Variants in TAX1BP1 observed in about 807,000 individuals in gnomAD.
The protein encoded by TAX1BP1 is tax1-binding protein 1.
A neutral mutation model predicts 97.7 loss-of-function variants in TAX1BP1; 62 were observed. The observed-to-expected ratio is 0.63, with a 90% CI of 0.52 to 0.78. The LOEUF is 0.78. Ranked by LOEUF, TAX1BP1 falls within the 30% of genes least tolerant of loss-of-function variation. The pLI is 0.00. For synonymous variants in TAX1BP1, 340 were observed against 304.2 expected, an observed-to-expected ratio of 1.12 and a Z score of -1.23; for missense variants, 867 against 916.1, an observed-to-expected ratio of 0.95 and a Z score of 0.69.
At chr7:27,795,491 G>A (rs1159814828) in intron 11 of TAX1BP1, among the ~76,000 whole-genome samples, 2 of 152,092 alleles carry the variant, frequency 1.3e-5, no homozygotes, top group Non-Finnish European at 2.9e-5. Flanking sequence ...TACTTACCCT[G>A]TCTATTCAGT....
chr7:27,744,151 G>A, intron 1 of TAX1BP1, among the ~76,000 whole-genome samples: 1 of 151,740 alleles, frequency 6.6e-6, no homozygotes, highest in Non-Finnish European at 1.5e-5. Context: ...TTTTGAGACG[G>A]AGTCTCGCTG....
chr7:27,740,932 A>G (rs572651737), intron 1 of TAX1BP1, among the ~76,000 whole-genome samples: 2 of 151,962 alleles, frequency 1.3e-5, no homozygotes, highest in Non-Finnish European at 2.9e-5. Context: ...ACCGACTTGC[A>G]CTCCTGGCTT....
At chr7:27,747,450 T>C (rs1018639805) in intron 1 of TAX1BP1, among the ~76,000 whole-genome samples, 1 of 152,202 alleles carries the variant, frequency 6.6e-6, no homozygotes, top group African/African-American at 2.4e-5. Flanking sequence ...CACTACACTT[T>C]TATTTTTATT....
chr7:27,811,357 C>G (rs1324483117), intron 13 of TAX1BP1, among the ~76,000 whole-genome samples: 1 of 152,142 alleles, frequency 6.6e-6, no homozygotes, highest in South Asian at 2.1e-4. Context: ...TCTTATCAAA[C>G]CTAAGTTGAC....
At chr7:27,812,356 G>C (rs569943630) in intron 13 of TAX1BP1, among the ~76,000 whole-genome samples, 2 of 152,014 alleles carry the variant, frequency 1.3e-5, no homozygotes, top group South Asian at 4.1e-4. Context: ...GTCATCTTTG[G>C]TTGCGACAGT....
intron 2 of TAX1BP1, among the ~76,000 whole-genome samples, chr7:27,754,579 C>T (rs911412497): frequency 5.3e-5 from 8 of 151,276 alleles, no homozygotes; most frequent in Non-Finnish European, 1.0e-4. Context: ...TTTTTGTTTT[C>T]GTTTTTGTTT....
intron 3 of TAX1BP1, among the ~76,000 whole-genome samples, chr7:27,762,134 G>C (rs1471596605): frequency 6.6e-6 from 1 of 152,154 alleles, no homozygotes; most frequent in Admixed American, 6.5e-5. Flanking sequence ...ATTTCCTTCT[G>C]TTCTGTGCCA....
rs768038533 is a variant in TAX1BP1 at position 27,793,081 on chromosome 7, C to G, written c.1279C>G (p.Leu427Val). The change falls in exon 10 of 17, where the codon CTG (leucine) becomes GTG (valine). Residue 427 changes from leucine (L) to valine (V), a missense_variant. Physicochemically the swap from Leu to Val is conservative, Grantham distance 32. Around this residue, in one of 3 missense-constraint regions of TAX1BP1, gnomAD observed 822 missense variants for 851.4 expected, o/e 0.97. Coordinates refer to ENST00000396319, the MANE Select transcript of TAX1BP1 (RefSeq NM_006024.7). ...TTCTTTCTAGGACAAGACTGATACA[C>G]TGGAACACGAACTAAGAAGAGAAGT... ...MKKDQDKTDT[L>V]EHELRREVED... 1 of 1,600,426 alleles carries G rather than the reference C, an allele frequency of 6.2e-7. No homozygotes were observed. The highest frequency in any genetic ancestry group is 8.5e-7 in the Non-Finnish European group (1 of 1,176,910).
chr7:27,814,074 G>T (rs1490688243), intron 13 of TAX1BP1, among the ~76,000 whole-genome samples: 1 of 151,342 alleles, frequency 6.6e-6, no homozygotes, highest in East Asian at 1.9e-4. Context: ...GGGATTACAG[G>T]TGTGAGCCAC....
chr7:27,748,621 G>C lies in TAX1BP1; in HGVS notation c.97G>C (p.Glu33Gln). Residue 33 changes from glutamate (E) to glutamine (Q), a missense_variant, in exon 2 of 17, where the codon GAA (glutamate) becomes CAA (glutamine). Coordinates refer to ENST00000396319, the MANE Select transcript of TAX1BP1 (RefSeq NM_006024.7). ...GAGTTACCTTCCTAATGCACACCTG[G>C]AATGTCATTACACCTTAACTCCATA... Reference protein sequence around the residue: ...AKSYLPNAHLECHYTLTPYIH... With the variant: ...AKSYLPNAHLQCHYTLTPYIH... 1 of 1,602,728 alleles carries C rather than the reference G, an allele frequency of 6.2e-7. No individual in the cohort carries two copies. The highest frequency in any genetic ancestry group is 8.5e-7 in the Non-Finnish European group (1 of 1,173,642).
intron 5 of TAX1BP1, among the ~76,000 whole-genome samples, chr7:27,781,655 T>G (rs1028083179): frequency 3.9e-5 from 6 of 152,288 alleles, no homozygotes; most frequent in African/African-American, 1.4e-4. Context: ...AGGGCATTGC[T>G]GTACACTACT....
rs774430386 is a variant in TAX1BP1, at chr7:27,816,933, A to G, written c.1980A>G (p.Pro660=). The G allele has an allele frequency of 1.4e-5, 22 of 1,614,002 alleles. No homozygotes were observed. Among genetic ancestry groups the G allele is most frequent in the Non-Finnish European group, 1.9e-5 (22 of 1,179,988 alleles). ...TTTACCCAGATGAAATACAAAGGCC[A>G]CCTGTCAGAGTCCCCTCTTGGGGAC... The part of the protein sequence containing the change: ...GAFYPDEIQR[P]PVRVPSWGLE... Residue 660 remains proline (P), a synonymous_variant, in exon 15 of 17, where the codon CCA becomes CCG. Coordinates refer to ENST00000396319, the MANE Select transcript of TAX1BP1 (RefSeq NM_006024.7).
intron 15 of TAX1BP1, among the ~76,000 whole-genome samples, chr7:27,827,097 A>G (rs1206533232): frequency 6.6e-6 from 1 of 152,226 alleles, no homozygotes; most frequent in Non-Finnish European, 1.5e-5. Flanking sequence ...CACGCCTGAA[A>G]TCCCGGCACT....
intron 15 of TAX1BP1, among the ~76,000 whole-genome samples, chr7:27,819,323 C>T (rs1298793957): frequency 6.6e-6 from 1 of 151,880 alleles, no homozygotes; most frequent in Non-Finnish European, 1.5e-5. Flanking sequence ...TATTTCATTC[C>T]TAAATAAGTA....
At chr7:27,778,603 G>A (rs763675253) in intron 5 of TAX1BP1, among the ~76,000 whole-genome samples, 7 of 152,046 alleles carry the variant, frequency 4.6e-5, no homozygotes, top group Non-Finnish European at 8.8e-5. Context: ...GGTGGCTCAC[G>A]CCTGTAATCC....
intron 5 of TAX1BP1, among the ~76,000 whole-genome samples, chr7:27,775,097 C>G (rs1261931569): frequency 6.6e-6 from 1 of 152,068 alleles, no homozygotes; most frequent in Non-Finnish European, 1.5e-5. Context: ...TTTTGGGAAG[C>G]CTTTAATATC....
In TAX1BP1 at chr7:27,828,850, A is replaced by G. The variant is rs557423199; in HGVS notation, c.*21A>G. Reference sequence around the variant, plus strand: ...ACTAGTTACTTTTTATTATGAGTTAATATAGTTTAGCAGTAAAAAAAAAAA... The same window carrying G: ...ACTAGTTACTTTTTATTATGAGTTAGTATAGTTTAGCAGTAAAAAAAAAAA... On this transcript the variant is annotated 3_prime_UTR_variant, in exon 17 of 17. Transcript: ENST00000396319. 7 of 1,368,600 alleles carry G rather than the reference A, an allele frequency of 5.1e-6. No individual in the cohort carries two copies. The South Asian group carries it at 8.6e-5, about 17-fold the overall frequency. The allele number at this position is 1,368,600 out of a possible 1,614,324, so 84.8% of individuals were successfully genotyped here.
rs1554326102 is a variant in TAX1BP1 at position 27,828,875 on chromosome 7, A to AAC, written c.*47_*48insCA. On this transcript the variant is annotated 3_prime_UTR_variant, in exon 17 of 17. Coordinates refer to ENST00000396319, the MANE Select transcript of TAX1BP1 (RefSeq NM_006024.7). ...ATATAGTTTAGCAGTAAAAAAAAAA[A>AAC]AAAAAACCACACCTAAAATAGACCA... 18 of 1,504,956 alleles carry AAC rather than the reference A, an allele frequency of 1.2e-5. 1 individual carries two copies. The African/African-American group carries it at 2.4e-4, about 20-fold the overall frequency. The allele number at this position is 1,504,956 out of a possible 1,614,324, so 93.2% of individuals were successfully genotyped here. A position where few individuals can be genotyped will look rare whatever the true frequency, so the allele number is the denominator to read the frequency against.
chr7:27,813,145 CTTTTTTTTTTTT>C (rs57301512), intron 13 of TAX1BP1, among the ~76,000 whole-genome samples: 1 of 108,914 alleles, frequency 9.2e-6, no homozygotes, highest in Non-Finnish European at 1.8e-5. Context: ...CTTTGTTCTG[CTTTTTTTTTTTT>C]TTTTTTTTTT....
Sources: allele counts gnomAD v4.1 joint callset (sites outside exome capture counted in the v4.1 genomes callset), GRCh38; gene constraint gnomAD v4.1.1; regional missense constraint gnomAD v4.1.1; transcripts MANE v1.5; gene names NCBI Gene and HGNC (gene_info 2026-07-23, HGNC 2026-07-21).